E2F7: variants seen among roughly 807,000 people sequenced by gnomAD.
E2F7 encodes transcription factor E2F7.
E2F7 carries 35 observed loss-of-function variants against 81.1 expected under a neutral mutation model. The ratio of observed to expected loss-of-function variants is 0.43; its 90% CI spans 0.33 to 0.57. E2F7 has a LOEUF of 0.57. Among genes scored for constraint, E2F7 ranks in the 20% least tolerant of loss-of-function variants. The probability of loss-of-function intolerance (pLI) is 0.04; values close to 1 mark genes in which losing one functional copy is unlikely to be tolerated. For missense variants in E2F7, 961 were observed against 1,093.7 expected (o/e 0.88, Z 1.71); for synonymous variants, 416 against 416.2 (o/e 1.00, Z 0.01).
chr12:77,047,994 A>G (rs1393579477), intron 4 of E2F7, among the ~76,000 whole-genome samples: 1 of 152,222 alleles, frequency 6.6e-6, no homozygotes, highest in African/African-American at 2.4e-5. Context: ...TTGATATCTG[A>G]TAACAAGCTG....
chr12:77,054,494 A>G (rs1479021367), intron 3 of E2F7, among the ~76,000 whole-genome samples: 1 of 152,208 alleles, frequency 6.6e-6, no homozygotes, highest in East Asian at 1.9e-4. Context: ...ATTGTGAAAC[A>G]CTGCTGAAAG....
Position 77,022,671 on chromosome 12 carries a change from AAGT to A in E2F7, c.*1341_*1343del. The A allele has an allele frequency of 6.5e-6, 1 of 152,694 alleles. No individual in the cohort carries two copies. The allele number at this position is 152,694 out of a possible 1,614,324, so 9.5% of individuals were successfully genotyped here. A position where few individuals can be genotyped will look rare whatever the true frequency, so the allele number is the denominator to read the frequency against. Reference sequence around the variant, plus strand: ...GAGGGAAGGAAGAGAGAATGAAGGAAAGTAGGAAGGAAAGAAGGGAACCATTTA... The same window carrying A: ...GAGGGAAGGAAGAGAGAATGAAGGAAAGGAAGGAAAGAAGGGAACCATTTA... On this transcript the variant is annotated 3_prime_UTR_variant, in exon 13 of 13. Transcript: ENST00000322886.
Position 77,054,939 on chromosome 12 carries a change from G to A in E2F7, c.369+916C>T, listed in dbSNP as rs76124459. On this transcript the variant is annotated intron_variant, in intron 3 of 12. Transcript: ENST00000322886. ...CTGAGTGATATCCCCAACTCACCCA[G>A]CTAGTGATTTGAACCTAAGGCCTTA... Among the ~76,000 whole-genome samples the A allele has an allele frequency of 7.3e-3, 1,115 of 152,160 alleles. 8 individuals carry two copies. The highest frequency in any genetic ancestry group is 0.011 in the Non-Finnish European group (734 of 68,010).
At chr12:77,025,303 C>T (rs533954342) in intron 12 of E2F7, among the ~76,000 whole-genome samples, 2 of 152,218 alleles carry the variant, frequency 1.3e-5, no homozygotes, top group African/African-American at 4.8e-5. Flanking sequence ...CCGAACTATG[C>T]CTAAAACAGG....
intron 7 of E2F7, 23 bp from the exon 8 acceptor site, chr12:77,034,065 A>G (rs758361213): frequency 6.2e-7 from 1 of 1,601,400 alleles, no homozygotes; most frequent in Non-Finnish European, 8.5e-7. Flanking sequence ...GAGAATTGGT[A>G]GTGTTGTTAT....
At chr12:77,057,255 G>A (rs1007310527) in intron 2 of E2F7, among the ~76,000 whole-genome samples, 1 of 151,914 alleles carries the variant, frequency 6.6e-6, no homozygotes, top group Non-Finnish European at 1.5e-5. Flanking sequence ...TTAAAATTTT[G>A]TGTGGAGACG....
At chr12:77,056,320 A>G (rs1213837895) in intron 2 of E2F7, among the ~76,000 whole-genome samples, 190 bp from the exon 3 acceptor site, 1 of 152,178 alleles carries the variant, frequency 6.6e-6, no homozygotes, top group Non-Finnish European at 1.5e-5. Flanking sequence ...TGAGAAGTAG[A>G]TTATACTCTG....
intron 7 of E2F7, among the ~76,000 whole-genome samples, chr12:77,040,112 GT>G (rs1316185199): frequency 1.8e-4 from 27 of 152,224 alleles, no homozygotes; most frequent in African/African-American, 6.5e-4. Flanking sequence ...TGAGCCTCTG[GT>G]TACAATATTT....
chr12:77,043,723 TG>T lies in E2F7; in HGVS notation c.989-525del, dbSNP rs1266757182. On this transcript the variant is annotated intron_variant, in intron 6 of 12. Transcript: ENST00000322886. ...AGACAGGCAGCTCCTCACCTGAAAT[TG>T]TAGCATTCTAGCCACCCAGTGAGAA... 2.0e-5 allele frequency among the ~76,000 whole-genome samples: 3 copies of T among 152,090 alleles called. No individual in the cohort carries two copies. In the East Asian group the frequency reaches 5.8e-4, roughly 29 times the overall value.
At chr12:77,041,163 T>C (rs1954891033) in intron 7 of E2F7, among the ~76,000 whole-genome samples, 1 of 152,196 alleles carries the variant, frequency 6.6e-6, no homozygotes, top group Non-Finnish European at 1.5e-5. Context: ...CTCCTCGACT[T>C]CTCAACAGCC....
intron 4 of E2F7, among the ~76,000 whole-genome samples, chr12:77,050,291 A>T (rs752520765): frequency 2.0e-5 from 3 of 152,182 alleles, no homozygotes; most frequent in Non-Finnish European, 4.4e-5. Flanking sequence ...AAAATATGAG[A>T]TACTAATTTG....
chr12:77,024,951 T>C (rs1484410151), intron 12 of E2F7, among the ~76,000 whole-genome samples: 2 of 152,080 alleles, frequency 1.3e-5, no homozygotes, highest in African/African-American at 4.8e-5. Flanking sequence ...GAACTACAAA[T>C]GGAGGTTGGG....
In E2F7 at chr12:77,055,781, G is replaced by C. The variant is rs1955026737; in HGVS notation, c.369+74C>G. ...CTCAATAGGAGCTGAAAAGTTGACA[G>C]TTCTATGATTTTTTAATAATCAAGT... is the stretch of plus-strand genomic sequence containing the variant. On this transcript the variant is annotated intron_variant, in intron 3 of 12. Transcript: ENST00000322886. 3 of 1,507,008 alleles carry C rather than the reference G, an allele frequency of 2.0e-6. No individual in the cohort carries two copies. The African/African-American group carries it at 4.2e-5, about 21-fold the overall frequency. 93.4% of individuals were successfully genotyped at this position (1,507,008 alleles called of 1,614,324 possible).
Position 77,024,138 on chromosome 12 carries a change from C to T in E2F7, c.2613G>A (p.Glu871=), listed in dbSNP as rs1479075686. The T allele has an allele frequency of 1.2e-6, 2 of 1,614,008 alleles. No individual in the cohort carries two copies. The highest frequency in any genetic ancestry group is 1.7e-6 in the Non-Finnish European group (2 of 1,180,002). ...TPKSIQRTHR[E]TFFKTPGSLG... ...GGCTGCCGGGTGTCTTGAAAAACGTCTCACGATGTGTGCGTTGGATGCTCT... is the reference window on the plus strand; with the variant it reads ...GGCTGCCGGGTGTCTTGAAAAACGTTTCACGATGTGTGCGTTGGATGCTCT... Residue 871 remains glutamate (E), a synonymous_variant, in exon 13 of 13, where the codon GAG becomes GAA. Transcript: ENST00000322886.
At chr12:77,028,245 T>G (rs1391823241) in intron 10 of E2F7, 107 bp from the exon 11 acceptor site, 13 of 1,414,568 alleles carry the variant, frequency 9.2e-6, no homozygotes. Context: ...CAAGCTGGAG[T>G]GCAGTGGCAC....
chr12:77,038,071 T>C (rs559941771), intron 7 of E2F7, among the ~76,000 whole-genome samples: 6 of 152,228 alleles, frequency 3.9e-5, no homozygotes, highest in Admixed American at 6.5e-5. Flanking sequence ...TTTATAATGA[T>C]AAAAGGGTCA....
At chr12:77,050,395 G>T (rs1440469889) in intron 4 of E2F7, among the ~76,000 whole-genome samples, 181 bp downstream of exon 4, 1 of 152,104 alleles carries the variant, frequency 6.6e-6, no homozygotes, top group East Asian at 1.9e-4. Flanking sequence ...AGGTCTAAAA[G>T]GCTCCCTGAA....
intron 7 of E2F7, among the ~76,000 whole-genome samples, chr12:77,040,747 G>A (rs1592559641): frequency 6.6e-6 from 1 of 152,104 alleles, no homozygotes; most frequent in Non-Finnish European, 1.5e-5. Context: ...GAAGGTAATG[G>A]ATATGTTCAT....
rs1954790979 is a variant in E2F7, at chr12:77,029,916, C to T, written c.1799G>A (p.Arg600Lys). 1.2e-6 allele frequency: 2 copies of T among 1,614,124 alleles called. No homozygotes were observed. Among genetic ancestry groups the T allele is most frequent in the African/African-American group, 1.3e-5 (1 of 74,926 alleles). The part of the protein sequence containing the change: ...PSAQKRLCEE[R>K]KPQEEDEPAT... ...TGGCTCATCCTCCTCCTGAGGTTTC[C>T]TCTCCTCACAGAGGCGCTTCTGAGC... The change falls in exon 10 of 13, where the codon AGG (arginine) becomes AAG (lysine). Residue 600 changes from arginine to lysine, a missense_variant. Physicochemically the swap from Arg to Lys is conservative, Grantham distance 26. This residue lies in a region of E2F7 where 587 missense variants were observed against 620.3 expected (regional missense o/e 0.95). Transcript: ENST00000322886.
Sources: allele counts gnomAD v4.1 joint callset (sites outside exome capture counted in the v4.1 genomes callset), GRCh38; gene constraint gnomAD v4.1.1; regional missense constraint gnomAD v4.1.1; transcripts MANE v1.5; gene names NCBI Gene and HGNC (gene_info 2026-07-23, HGNC 2026-07-21).